The following SYT14 variants were observed in gnomAD, a reference collection of about 807,000 sequenced individuals.
SYT14 encodes synaptotagmin-14.
Under a neutral mutation model 74.2 loss-of-function variants are expected in SYT14, and 32 were observed. The observed-to-expected ratio is 0.43, with a 90% CI of 0.33 to 0.58. The LOEUF (loss-of-function observed/expected upper bound fraction) is 0.58, where lower values mean the gene tolerates loss of function less well. Ranked by LOEUF, SYT14 falls within the 20% of genes least tolerant of loss-of-function variation. The pLI, the probability that SYT14 is intolerant of heterozygous loss-of-function variation, is 0.05. For missense variants in SYT14, 791 were observed against 981.8 expected (o/e 0.81, Z 2.60); for synonymous variants, 298 against 337.7 (o/e 0.88, Z 1.29).
exon 1 of SYT14, chr1:209,938,255 C>G: frequency 1.3e-6 from 2 of 1,558,988 alleles, no homozygotes; most frequent in South Asian, 2.3e-5. Flanking sequence ...CGGTCCATGG[C>G]GAGCGCATCA....
In SYT14 at chr1:210,097,039, C is replaced by T. The variant is rs144661760; in HGVS notation, c.1584+2446C>T. ...TCTGTAACCACTTCTTTGGAATTTC[C>T]TCCGTCCTGCTTATTTTTGTGTCTT... On this transcript the variant is annotated intron_variant, in intron 6 of 9. Transcript: ENST00000637265. Among the ~76,000 whole-genome samples, 212 of 152,270 alleles carry T rather than the reference C, an allele frequency of 1.4e-3. 1 individual carries two copies. The highest frequency in any genetic ancestry group is 4.7e-3 in the African/African-American group (195 of 41,556).
At chr1:210,080,232 T>G (rs966504900) in intron 5 of SYT14, among the ~76,000 whole-genome samples, 2 of 152,234 alleles carry the variant, frequency 1.3e-5, no homozygotes, top group African/African-American at 4.8e-5. Flanking sequence ...GTCATTTCAT[T>G]TAATTGTTTA....
exon 10 of SYT14, chr1:210,170,656 ATAAACATCAGTCC>A (rs1345428174): frequency 4.6e-5 from 7 of 152,184 alleles, no homozygotes; most frequent in Non-Finnish European, 1.0e-4. Context: ...ATGATGATAC[ATAAACATCAGTCC>A]TAATTCTTGT....
chr1:210,126,001 G>A (rs550766389), intron 7 of SYT14, among the ~76,000 whole-genome samples: 37 of 152,168 alleles, frequency 2.4e-4, no homozygotes, highest in Admixed American at 2.0e-4. Flanking sequence ...TCAGGAGATC[G>A]AGATCATCCT....
chr1:209,942,898 A>C (rs2078758829), intron 1 of SYT14, among the ~76,000 whole-genome samples: 1 of 152,130 alleles, frequency 6.6e-6, no homozygotes, highest in Non-Finnish European at 1.5e-5. Context: ...ACTAGTGAGA[A>C]TCTATGTGTG....
chr1:210,146,905 C>T (rs1434884182), intron 7 of SYT14, among the ~76,000 whole-genome samples: 1 of 151,540 alleles, frequency 6.6e-6, no homozygotes, highest in African/African-American at 2.4e-5. Flanking sequence ...AGACCATCTC[C>T]ACTACTTCTT....
At chr1:210,059,923 G>A (rs927475625) in intron 5 of SYT14, among the ~76,000 whole-genome samples, 4 of 152,114 alleles carry the variant, frequency 2.6e-5, no homozygotes, top group African/African-American at 9.7e-5. Flanking sequence ...TCTACAGTGG[G>A]TGGAGAATGA....
chr1:210,060,844 TCTG>T (rs2081194158), intron 5 of SYT14, among the ~76,000 whole-genome samples: 1 of 152,050 alleles, frequency 6.6e-6, no homozygotes, highest in Admixed American at 6.6e-5. Context: ...AACATGTTTT[TCTG>T]CTATTTTCTT....
At chr1:209,950,180 C>T (rs957372051) in intron 1 of SYT14, among the ~76,000 whole-genome samples, 5 of 152,136 alleles carry the variant, frequency 3.3e-5, no homozygotes, top group Non-Finnish European at 5.9e-5. Context: ...AGCCTTTTTA[C>T]GTGATTTAAC....
rs752896007 is a variant in SYT14 at position 210,160,759 on chromosome 1, C to G, written c.2312C>G (p.Ser771Cys). 3.7e-6 allele frequency: 6 copies of G among 1,613,750 alleles called. 1 individual carries two copies. The highest frequency in any genetic ancestry group is 5.1e-6 in the Non-Finnish European group (6 of 1,179,832). ...TATGTTAAGTTAACTCTACTGAATTCCATGGGTCAAGAGATGTCCAAATGC... is the reference window on the plus strand; with the variant it reads ...TATGTTAAGTTAACTCTACTGAATTGCATGGGTCAAGAGATGTCCAAATGC... The change falls in exon 10 of 10, where the codon TCC (serine) becomes TGC (cysteine). Residue 771 changes from serine (S) to cysteine (C), a missense_variant. Ser to Cys is a moderately radical substitution (Grantham distance 112, BLOSUM62 -1). Coordinates refer to ENST00000637265, the Ensembl canonical transcript of SYT14.
At chr1:210,122,833 C>T (rs12403098) in intron 7 of SYT14, among the ~76,000 whole-genome samples, 4,910 of 152,194 alleles carry the variant, frequency 0.032, 564 homozygotes, top group Admixed American at 0.23. Flanking sequence ...TCTGTATATT[C>T]ACCTTATGAT....
At chr1:210,130,621 C>T (rs2082654495) in intron 7 of SYT14, among the ~76,000 whole-genome samples, 1 of 152,142 alleles carries the variant, frequency 6.6e-6, no homozygotes, top group African/African-American at 2.4e-5. Context: ...CCTGGACTGT[C>T]CTGAACTTCA....
intron 2 of SYT14, among the ~76,000 whole-genome samples, chr1:209,985,593 C>T (rs889000840): frequency 5.3e-5 from 8 of 152,242 alleles, no homozygotes; most frequent in African/African-American, 1.9e-4. Flanking sequence ...CCTTTTTCCA[C>T]AGCTCCACTA....
intron 7 of SYT14, among the ~76,000 whole-genome samples, chr1:210,132,567 T>TTTTGTGTGTGTGTGTG (rs147481736): frequency 1.7e-4 from 24 of 145,082 alleles, no homozygotes; most frequent in Non-Finnish European, 2.6e-4. Flanking sequence ...ATTTTATATA[T>TTTTGTGTGTGTGTGTG]TGTGTGTGTG....
chr1:210,037,870 T>G (rs1558146302), intron 5 of SYT14, among the ~76,000 whole-genome samples: 1 of 152,116 alleles, frequency 6.6e-6, no homozygotes. Flanking sequence ...TGGTCTGTGT[T>G]GGAGAATATT....
At chr1:210,160,255 C>A (rs535137642) in intron 9 of SYT14, among the ~76,000 whole-genome samples, 1 of 152,222 alleles carries the variant, frequency 6.6e-6, no homozygotes, top group East Asian at 1.9e-4. Flanking sequence ...CTTTTCTCTT[C>A]ACCATTTGCC....
chr1:209,971,396 T>C (rs2079253756), intron 2 of SYT14, among the ~76,000 whole-genome samples: 1 of 151,948 alleles, frequency 6.6e-6, no homozygotes, highest in African/African-American at 2.4e-5. Flanking sequence ...GCCTGATTGC[T>C]CTAGGTAGGA....
chr1:209,998,503 C>T (rs2079837117), intron 2 of SYT14, among the ~76,000 whole-genome samples: 1 of 151,782 alleles, frequency 6.6e-6, no homozygotes, highest in African/African-American at 2.4e-5. Flanking sequence ...AAAACAGTCC[C>T]GAGCAAAAAG....
intron 5 of SYT14, among the ~76,000 whole-genome samples, chr1:210,072,288 T>C (rs1038816181): frequency 6.6e-6 from 1 of 151,912 alleles, no homozygotes; most frequent in African/African-American, 2.4e-5. Flanking sequence ...GTCACTGGTA[T>C]CCATGGTAAC....
Sources: gnomAD v4.1 joint callset for allele counts (sites outside exome capture counted in the v4.1 genomes callset) on GRCh38, gnomAD v4.1.1 for gene constraint, MANE v1.5 for transcripts, NCBI Gene and HGNC (gene_info 2026-07-23, HGNC 2026-07-21) for gene names.